The following PYHIN1 variants were observed in gnomAD, a reference collection of about 807,000 sequenced individuals.
PYHIN1 encodes the protein pyrin and HIN domain family member 1.
Under a neutral mutation model 43.7 loss-of-function variants are expected in PYHIN1, and 32 were observed. The observed-to-expected ratio is 0.73, with a 90% CI of 0.55 to 0.98. The LOEUF is 0.98. Among genes scored for constraint, PYHIN1 ranks in the 50% least tolerant of loss-of-function variants. The pLI is 0.00. For synonymous variants in PYHIN1, 205 were observed against 203.1 expected, an observed-to-expected ratio of 1.01 and a Z score of -0.08; for missense variants, 588 against 589.5, an observed-to-expected ratio of 1.00 and a Z score of 0.03.
intron 7 of PYHIN1, among the ~76,000 whole-genome samples, chr1:158,950,989 C>A (rs1364241880): frequency 6.6e-6 from 1 of 152,156 alleles, no homozygotes; most frequent in Non-Finnish European, 1.5e-5. Flanking sequence ...GTGTTAGTAT[C>A]AACGGATACA....
intron 2 of PYHIN1, among the ~76,000 whole-genome samples, chr1:158,937,958 A>C (rs1407842764): frequency 1.3e-5 from 2 of 151,986 alleles, no homozygotes; most frequent in Non-Finnish European, 2.9e-5. Flanking sequence ...AAAAAAAAAA[A>C]AGAAAAAAAG....
At chr1:158,972,841 C>T (rs1025777119) in intron 7 of PYHIN1, among the ~76,000 whole-genome samples, 1 of 152,038 alleles carries the variant, frequency 6.6e-6, no homozygotes, top group Admixed American at 6.6e-5. Context: ...CATTTATTTC[C>T]TTTATAATAC....
chr1:158,951,383 G>T (rs1649522546), intron 7 of PYHIN1, among the ~76,000 whole-genome samples: 1 of 152,142 alleles, frequency 6.6e-6, no homozygotes, highest in Admixed American at 6.5e-5. Context: ...CAGCATACAG[G>T]GCGGGCTCCA....
chr1:158,945,246 C>A (rs111690358), intron 7 of PYHIN1: 2 of 455,512 alleles, frequency 4.4e-6, no homozygotes, highest in Non-Finnish European at 7.5e-6. Context: ...ATTTGTGCAA[C>A]GATTGCTGAC....
chr1:158,990,531 C>T, the PYHIN1 span, among the ~76,000 whole-genome samples: 1 of 152,176 alleles, frequency 6.6e-6, no homozygotes, highest in East Asian at 1.9e-4. Flanking sequence ...GAAGACATAA[C>T]ATCCACTCTC....
At chr1:158,953,936 G>A (rs538260712) in intron 7 of PYHIN1, among the ~76,000 whole-genome samples, 28 of 134,384 alleles carry the variant, frequency 2.1e-4, no homozygotes, top group South Asian at 2.8e-4. Flanking sequence ...ACCAAGGCTC[G>A]AGAACTACGT....
chr1:158,951,578 G>A (rs908073242), intron 7 of PYHIN1, among the ~76,000 whole-genome samples: 14 of 152,170 alleles, frequency 9.2e-5, no homozygotes, highest in South Asian at 6.2e-4. Context: ...CCAGACTAGC[G>A]CTTTTCCATG....
chr1:158,963,014 C>T (rs1233293737), intron 7 of PYHIN1, among the ~76,000 whole-genome samples: 1 of 152,168 alleles, frequency 6.6e-6, no homozygotes, highest in Non-Finnish European at 1.5e-5. Flanking sequence ...ACAGTCCCTC[C>T]TCCCTATGAA....
chr1:158,988,011 A>G, the PYHIN1 span, among the ~76,000 whole-genome samples: 1 of 152,210 alleles, frequency 6.6e-6, no homozygotes, highest in Non-Finnish European at 1.5e-5. Flanking sequence ...AAGCCAAAGA[A>G]CACTGAAGAT....
At chr1:158,972,563 G>A (rs1633294) in intron 7 of PYHIN1, among the ~76,000 whole-genome samples, 48,630 of 151,790 alleles carry the variant, frequency 0.32, 8,192 homozygotes, top group South Asian at 0.49. Context: ...AAATACAAGA[G>A]TGTGTTCCTC....
chr1:158,938,636 T>C (rs1648712227), intron 3 of PYHIN1, 94 bp downstream of exon 3: 3 of 1,265,792 alleles, frequency 2.4e-6, no homozygotes. Flanking sequence ...AGTTATTTCT[T>C]CATATGTTTC....
chr1:158,952,035 G>A (rs1055595154), intron 7 of PYHIN1, among the ~76,000 whole-genome samples: 1 of 152,050 alleles, frequency 6.6e-6, no homozygotes, highest in African/African-American at 2.4e-5. Flanking sequence ...CTGCGGAGCT[G>A]GAGAGCTAAG....
chr1:158,949,461 C>T (rs1365605674), intron 7 of PYHIN1, among the ~76,000 whole-genome samples: 1 of 151,926 alleles, frequency 6.6e-6, no homozygotes, highest in Non-Finnish European at 1.5e-5. Flanking sequence ...ATACATGCGC[C>T]ATGCTGGTGC....
Position 158,939,102 on chromosome 1 carries a change from A to G in PYHIN1, c.434A>G (p.Glu145Gly), listed in dbSNP as rs1047495523. The change falls in exon 4 of 9, where the codon GAA (glutamate) becomes GGA (glycine). Residue 145 changes from glutamate to glycine, a missense_variant. By Grantham distance (98) the Glu-to-Gly change is moderately conservative (BLOSUM62 -2). Transcript: ENST00000368140. ...GPQKRKKPSE[E>G]ETGTKRSKMS... Reference sequence around the variant, plus strand: ...TAGAAAAGAAAAAAACCATCTGAAGAAGAGACTGGAACCAAAAGGAGTAAG... The same window carrying G: ...TAGAAAAGAAAAAAACCATCTGAAGGAGAGACTGGAACCAAAAGGAGTAAG... The G allele has an allele frequency of 1.9e-6, 3 of 1,594,736 alleles. No individual in the cohort carries two copies. The highest frequency in any genetic ancestry group is 2.7e-5 in the African/African-American group (2 of 73,610).
At chr1:158,974,048 G>A (rs1226582865) in intron 8 of PYHIN1, among the ~76,000 whole-genome samples, 1 of 151,978 alleles carries the variant, frequency 6.6e-6, no homozygotes, top group Non-Finnish European at 1.5e-5. Flanking sequence ...ATCCAGACAA[G>A]GAGAGATGAA....
At chr1:158,965,583 A>C (rs1220878596) in intron 7 of PYHIN1, among the ~76,000 whole-genome samples, 1 of 152,212 alleles carries the variant, frequency 6.6e-6, no homozygotes, top group Non-Finnish European at 1.5e-5. Flanking sequence ...AATCTATAGT[A>C]AGAAAATGGC....
chr1:158,954,532 A>T (rs989133843), intron 7 of PYHIN1, among the ~76,000 whole-genome samples: 6 of 151,886 alleles, frequency 4.0e-5, no homozygotes, highest in Non-Finnish European at 7.4e-5. Flanking sequence ...AATAAAATAC[A>T]TTACAGACAA....
At chr1:158,960,382 T>C (rs1451487250) in intron 7 of PYHIN1, among the ~76,000 whole-genome samples, 2 of 152,246 alleles carry the variant, frequency 1.3e-5, no homozygotes, top group East Asian at 3.8e-4. Flanking sequence ...AAATCTTACC[T>C]GCCAAAATCT....
At position 158,944,423 on chromosome 1, in the gene PYHIN1, G is replaced by A. The variant is rs116781643; in HGVS notation, c.1191+445G>A. On this transcript the variant is annotated intron_variant, in intron 6 of 8. Transcript: ENST00000368140. ...CTTCCTTGTACCTTGTGACAAACCAGTATGCACTAGATACTACTGCTCTTA... is the reference window on the plus strand; with the variant it reads ...CTTCCTTGTACCTTGTGACAAACCAATATGCACTAGATACTACTGCTCTTA... Among the ~76,000 whole-genome samples, 1,401 of 152,280 alleles carry A rather than the reference G, an allele frequency of 9.2e-3. 26 individuals are homozygous for A. Among genetic ancestry groups the A allele is most frequent in the African/African-American group, 0.032 (1,320 of 41,570 alleles).
Sources: allele counts gnomAD v4.1 joint callset (sites outside exome capture counted in the v4.1 genomes callset), GRCh38; gene constraint gnomAD v4.1.1; transcripts MANE v1.5; gene names NCBI Gene and HGNC (gene_info 2026-07-23, HGNC 2026-07-21).